The following TEX13C variants were observed in gnomAD, a reference collection of about 807,000 sequenced individuals.
The protein encoded by TEX13C is testis-expressed protein 13C.
For synonymous variants in TEX13C, 219 were observed against 116.6 expected (o/e 1.88, Z -5.65); for missense variants, 480 against 298.7 (o/e 1.61, Z -4.47).
exon 1 of TEX13C, chrX:125,323,206 A>G: frequency 4.7e-6 from 2 of 425,284 alleles, no homozygotes; most frequent in Non-Finnish European, 8.1e-6. Flanking sequence ...CTTAACAGAA[A>G]ATTTGAAACC....
At chrX:125,320,225 A>G in exon 1 of TEX13C, 2 of 515,609 alleles carry the variant, frequency 3.9e-6, no homozygotes, top group Non-Finnish European at 7.0e-6. Flanking sequence ...AGCCTTTTAC[A>G]CGGCCTTCCG....
exon 1 of TEX13C, chrX:125,323,191 A>T (rs2018865525): frequency 2.4e-6 from 1 of 424,443 alleles, no homozygotes. Context: ...AAAGTAACTT[A>T]TTTACTTAAC....
chrX:125,320,022 G>C, upstream of TEX13C: 1 of 448,889 alleles, frequency 2.2e-6, no homozygotes, highest in Non-Finnish European at 3.9e-6. Context: ...GGGGAGGTGA[G>C]GGGTGGACTG....
exon 1 of TEX13C, chrX:125,324,057 G>A (rs2018871330): frequency 8.9e-6 from 1 of 112,169 alleles, no homozygotes. Flanking sequence ...CATTAAATGA[G>A]AAGTTTAGGG....
rs1386271347 is a variant in TEX13C, at chrX:125,322,403, A to G, written c.2284A>G (p.Asn762Asp). The G allele has an allele frequency of 1.4e-5, 6 of 439,073 alleles. No individual in the cohort carries two copies. In the African/African-American group the frequency reaches 1.9e-4, roughly 14 times the overall value. The allele number at this position is 439,073 out of a possible 1,213,427, so 36.2% of individuals were successfully genotyped here. A position where few individuals can be genotyped will look rare whatever the true frequency, so the allele number is the denominator to read the frequency against. ...GAAGAAAGATCCAGTGATGCCCCAG[A>G]ACATGGTCCCCCTGGAGGACAGCAA... Residue 762 changes from asparagine to aspartate, a missense_variant, in exon 1 of 1, where the codon AAC becomes GAC. By Grantham distance (23) the Asn-to-Asp change is conservative (BLOSUM62 1). Transcript: ENST00000632600.
exon 1 of TEX13C, chrX:125,322,936 G>T: frequency 7.8e-6 from 4 of 515,389 alleles, no homozygotes; most frequent in Non-Finnish European, 1.4e-5. Flanking sequence ...AACAAAAAAG[G>T]AAAAAGGCCT....
chrX:125,320,534 C>G, exon 1 of TEX13C: 1 of 515,813 alleles, frequency 1.9e-6, no homozygotes, highest in East Asian at 3.6e-5. Flanking sequence ...GCTGAATGAG[C>G]GTGATGGGTT....
At position 125,322,359 on chromosome X, in the gene TEX13C, T is replaced by TG. The variant is rs1447234156; in HGVS notation, c.2245dup (p.Asp749GlyfsTer25). 2.1e-5 allele frequency: 10 copies of TG among 468,133 alleles called. No homozygotes were observed. Among genetic ancestry groups the TG allele is most frequent in the Non-Finnish European group, 2.9e-5 (8 of 272,127 alleles). The allele number at this position is 468,133 out of a possible 1,213,427, so 38.6% of individuals were successfully genotyped here. ...GTGATGCCCAAGGAGATGGTCCCCCTGGGGGACAGCCACAGCCTGAAGAAA... is the reference window on the plus strand; with the variant it reads ...GTGATGCCCAAGGAGATGGTCCCCCTGGGGGGACAGCCACAGCCTGAAGAAA... On this transcript the variant is annotated frameshift_variant, in exon 1 of 1. Transcript: ENST00000632600. LOFTEE classifies it low-confidence loss of function (END_TRUNC).
chrX:125,320,802 C>A, exon 1 of TEX13C: 1 of 515,235 alleles, frequency 1.9e-6, no homozygotes, highest in South Asian at 2.5e-5. Context: ...CTAATGCAGG[C>A]ACCTCATCCA....
chrX:125,321,654 C>T (rs1335055242), exon 1 of TEX13C: 1 of 500,865 alleles, frequency 2.0e-6, no homozygotes, highest in African/African-American at 2.6e-5. Flanking sequence ...CTAGTTGTGC[C>T]CAAGGAGCTG....
chrX:125,325,028 AC>A (rs1358240299), exon 1 of TEX13C: 2 of 111,876 alleles, frequency 1.8e-5, no homozygotes, highest in Admixed American at 1.9e-4. Flanking sequence ...CTGCAGGCTT[AC>A]CCAAGGCAAC....
At chrX:125,322,993 T>C in exon 1 of TEX13C, 1 of 515,525 alleles carries the variant, frequency 1.9e-6, no homozygotes. Context: ...GCCCAGTGAA[T>C]TGGGCCTGCC....
chrX:125,323,519 T>C (rs1229325987), exon 1 of TEX13C: 1 of 104,113 alleles, frequency 9.6e-6, no homozygotes. Context: ...CCATTTTCTG[T>C]TTTTTTTTTT....
exon 1 of TEX13C, chrX:125,322,618 C>G: frequency 2.0e-6 from 1 of 512,641 alleles, no homozygotes; most frequent in Non-Finnish European, 3.5e-6. Context: ...GGGACAGCAA[C>G]AGCCACAGCA....
upstream of TEX13C, chrX:125,319,998 A>G (rs1027349278): frequency 1.1e-5 from 5 of 443,183 alleles, no homozygotes; most frequent in Admixed American, 1.2e-4. Context: ...GCAAGGACTA[A>G]AGTAAGACTG....
Position 125,321,076 on chromosome X carries a change from TTC to T in TEX13C, c.959_960del (p.Ser320Ter). ...ACAGAAGCTGCAACCAAAAGGAAGG[TTC>T]TGAGTGTCCCCAAGGAATGACTTCC... On this transcript the variant is annotated frameshift_variant, in exon 1 of 1. Transcript: ENST00000632600. LOFTEE classifies it low-confidence loss of function (END_TRUNC). 1 of 515,222 alleles carries T rather than the reference TTC, an allele frequency of 1.9e-6. No individual in the cohort carries two copies. Among genetic ancestry groups the T allele is most frequent in the Non-Finnish European group, 3.5e-6 (1 of 286,951 alleles). 42.5% of individuals were successfully genotyped at this position (515,222 alleles called of 1,213,427 possible).
At chrX:125,322,930 AAAAAGG>A (rs781240913) in exon 1 of TEX13C, 1 of 513,912 alleles carries the variant, frequency 1.9e-6, no homozygotes, top group South Asian at 2.5e-5. Context: ...TCAAGGAACA[AAAAAGG>A]AAAAAGGCCT....
exon 1 of TEX13C, chrX:125,320,861 C>G (rs747954553): frequency 1.9e-6 from 1 of 515,314 alleles, no homozygotes; most frequent in South Asian, 2.5e-5. Context: ...CTCAACACCT[C>G]TACCACCCCC....
At chrX:125,320,764 C>T (rs1287092085) in exon 1 of TEX13C, 1 of 515,353 alleles carries the variant, frequency 1.9e-6, no homozygotes, top group Non-Finnish European at 3.5e-6. Context: ...CCCAGAGTGG[C>T]AGGGTCCAGG....
Sources: allele counts gnomAD v4.1 joint callset, GRCh38; gene constraint gnomAD v4.1.1; transcripts MANE v1.5; gene names NCBI Gene and HGNC (gene_info 2026-07-23, HGNC 2026-07-21).